DUSP16: variants seen among roughly 807,000 people sequenced by gnomAD.
The protein encoded by DUSP16 is dual specificity phosphatase 16.
A neutral mutation model predicts 58.3 loss-of-function variants in DUSP16; 21 were observed. The observed-to-expected ratio is 0.36, with a 90% CI of 0.26 to 0.52. The LOEUF is 0.52. DUSP16 is among the 20% of genes least tolerant of loss of function. The pLI, the probability that DUSP16 is intolerant of heterozygous loss-of-function variation, is 0.94. For missense variants in DUSP16, 726 were observed against 819.0 expected (o/e 0.89, Z 1.39); for synonymous variants, 320 against 323.8 (o/e 0.99, Z 0.12).
intron 1 of DUSP16, among the ~76,000 whole-genome samples, chr12:12,553,609 C>T (rs1423450486): frequency 6.6e-6 from 1 of 152,124 alleles, no homozygotes; most frequent in African/African-American, 2.4e-5. Flanking sequence ...CTGGCACTAA[C>T]ATGGCTTACT....
At chr12:12,524,480 G>A (rs1419620832) in intron 1 of DUSP16, among the ~76,000 whole-genome samples, 3 of 152,200 alleles carry the variant, frequency 2.0e-5, no homozygotes, top group Admixed American at 6.5e-5. Context: ...TACAGTTAGA[G>A]AATTTTGGTT....
intron 4 of DUSP16, 110 bp downstream of exon 4, chr12:12,500,409 C>G: frequency 7.7e-7 from 1 of 1,298,936 alleles, no homozygotes; most frequent in Non-Finnish European, 1.0e-6. Context: ...CTGAGAATGG[C>G]ATAGCAGCTC....
At chr12:12,512,274 A>G (rs1035492517) in intron 3 of DUSP16, among the ~76,000 whole-genome samples, 2 of 152,180 alleles carry the variant, frequency 1.3e-5, no homozygotes, top group East Asian at 1.9e-4. Flanking sequence ...TGATGATGTG[A>G]TATACATATA....
chr12:12,509,847 T>C (rs1944049966), intron 3 of DUSP16, among the ~76,000 whole-genome samples: 1 of 152,142 alleles, frequency 6.6e-6, no homozygotes, highest in Non-Finnish European at 1.5e-5. Context: ...CAAAAGCTAG[T>C]TGGTGTGGGT....
Position 12,477,536 on chromosome 12 carries a change from G to C in DUSP16, c.1295C>G (p.Pro432Arg). Residue 432 changes from proline (P) to arginine (R), a missense_variant, in exon 7 of 7, where the codon CCT becomes CGT. By Grantham distance (103) the Pro-to-Arg change is moderately radical. Transcript: ENST00000298573. The surrounding 1 kb of genome is among the most constrained non-coding windows in gnomAD (Gnocchi z 4.1). ...GTTGGTCCCATCCAGAGTAGTGGAAGGTTTGTAGTATTCCAAAGCATCTTC... is the reference window on the plus strand; with the variant it reads ...GTTGGTCCCATCCAGAGTAGTGGAACGTTTGTAGTATTCCAAAGCATCTTC... The part of the protein sequence containing the change: ...SSEDALEYYK[P>R]STTLDGTNKL... 1 of 1,608,772 alleles carries C rather than the reference G, an allele frequency of 6.2e-7. No homozygotes were observed.
chr12:12,519,378 CT>C (rs1944197503), intron 3 of DUSP16, among the ~76,000 whole-genome samples: 1 of 152,198 alleles, frequency 6.6e-6, no homozygotes, highest in Non-Finnish European at 1.5e-5. Flanking sequence ...CATTCTCCCC[CT>C]ATTTCATTGT....
intron 1 of DUSP16, among the ~76,000 whole-genome samples, chr12:12,529,533 ATTG>A (rs1484435189): frequency 1.3e-5 from 2 of 152,358 alleles, no homozygotes; most frequent in East Asian, 1.9e-4. Flanking sequence ...CATAGCCATC[ATTG>A]TTGTGATGAG....
rs1943537914 is a variant in DUSP16, at chr12:12,480,225, G to A, written c.813C>T (p.Tyr271=). ...KRMDMSLDEA[Y]RFVKEKRPTI... ...AGAAGACATTTTCCTGCCCTCACCT[G>A]TAAGCTTCATCTAAAGACATGTCCA... is the stretch of plus-strand genomic sequence containing the variant. Residue 271 remains tyrosine, a splice_region_variant and synonymous_variant, in exon 6 of 7, where the codon TAC becomes TAT. Transcript: ENST00000298573. 1 of 1,613,902 alleles carries A rather than the reference G, an allele frequency of 6.2e-7. No homozygotes were observed. The highest frequency in any genetic ancestry group is 8.5e-7 in the Non-Finnish European group (1 of 1,179,912).
At chr12:12,525,667 GT>G (rs1449865273) in intron 1 of DUSP16, among the ~76,000 whole-genome samples, 3 of 151,860 alleles carry the variant, frequency 2.0e-5, no homozygotes, top group African/African-American at 7.3e-5. Context: ...GAGTCCAAGA[GT>G]TCAAGACCAG....
intron 1 of DUSP16, among the ~76,000 whole-genome samples, chr12:12,539,895 T>C (rs762935067): frequency 1.9e-4 from 28 of 151,124 alleles, no homozygotes; most frequent in Non-Finnish European, 3.5e-4. Flanking sequence ...TACTAAAAAA[T>C]ACGAAAAAAT....
At chr12:12,515,213 AT>A (rs1944130583) in intron 3 of DUSP16, among the ~76,000 whole-genome samples, 1 of 151,956 alleles carries the variant, frequency 6.6e-6, no homozygotes, top group South Asian at 2.1e-4. Flanking sequence ...AACCCAGTTA[AT>A]TTTTTTAGCC....
chr12:12,524,051 G>A (rs1019820078), intron 1 of DUSP16, among the ~76,000 whole-genome samples: 9 of 152,264 alleles, frequency 5.9e-5, no homozygotes, highest in Admixed American at 1.3e-4. Context: ...ACAAAAGGAG[G>A]GAGAAGTCAG....
At chr12:12,537,408 A>T (rs553903457) in intron 1 of DUSP16, among the ~76,000 whole-genome samples, 2 of 152,358 alleles carry the variant, frequency 1.3e-5, no homozygotes, top group African/African-American at 4.8e-5. Flanking sequence ...AAGCAATATA[A>T]CTATATATGA....
rs749892665 is a variant in DUSP16, at chr12:12,476,911, G to C, written c.1920C>G (p.Asn640Lys). Residue 640 changes from asparagine to lysine, a missense_variant, in exon 7 of 7, where the codon AAC becomes AAG. Coordinates refer to ENST00000298573, the MANE Select transcript of DUSP16 (RefSeq NM_030640.3). ...CTTTCCCCAGCTCTTCCCGTGACCT[G>C]TTCTCTGACATGATGCTCTCTCCAA... ...MEFGESIMSENRSREELGKVG... is the reference protein window; with the variant it reads ...MEFGESIMSEKRSREELGKVG... 1.2e-6 allele frequency: 2 copies of C among 1,613,922 alleles called. No homozygotes were observed. Among genetic ancestry groups the C allele is most frequent in the South Asian group, 2.2e-5 (2 of 91,084 alleles).
At chr12:12,535,972 T>C (rs1293382266) in intron 1 of DUSP16, among the ~76,000 whole-genome samples, 2 of 152,164 alleles carry the variant, frequency 1.3e-5, no homozygotes, top group Non-Finnish European at 2.9e-5. Context: ...AATCCTGAAG[T>C]CTAAAGCCAT....
At chr12:12,507,860 T>C (rs10772571) in intron 3 of DUSP16, among the ~76,000 whole-genome samples, 81,922 of 152,060 alleles carry the variant, frequency 0.54, 22,406 homozygotes, top group East Asian at 0.71. Flanking sequence ...CAGCCCGCCT[T>C]GGCCTCCCAA....
At chr12:12,497,618 A>G (rs768943265) in intron 4 of DUSP16, among the ~76,000 whole-genome samples, 1 of 152,070 alleles carries the variant, frequency 6.6e-6, no homozygotes, top group Non-Finnish European at 1.5e-5. Flanking sequence ...TGATTCTCCC[A>G]AGAAAATTTC....
intron 5 of DUSP16, among the ~76,000 whole-genome samples, chr12:12,483,043 C>T (rs894707652): frequency 6.6e-6 from 1 of 152,132 alleles, no homozygotes; most frequent in Non-Finnish European, 1.5e-5. Flanking sequence ...AACTAAGAAG[C>T]CTCTTCAGGT....
intron 1 of DUSP16, among the ~76,000 whole-genome samples, chr12:12,557,178 G>A (rs561859607): frequency 7.5e-4 from 114 of 152,170 alleles, no homozygotes; most frequent in African/African-American, 2.5e-3. Flanking sequence ...GTTTCTGGCC[G>A]GGTGTGGTGG....
Sources: allele counts gnomAD v4.1 joint callset (sites outside exome capture counted in the v4.1 genomes callset), GRCh38; gene constraint gnomAD v4.1.1; non-coding constraint Gnocchi (gnomAD v3.1); transcripts MANE v1.5; gene names NCBI Gene and HGNC (gene_info 2026-07-23, HGNC 2026-07-21).